The following CHKA variants were observed in gnomAD, a reference collection of about 807,000 sequenced individuals.
The protein encoded by CHKA is choline kinase alpha, also known as CHETK-alpha.
Under a neutral mutation model 60.1 loss-of-function variants are expected in CHKA, and 34 were observed. That is an observed-to-expected ratio of 0.57 (90% CI 0.43 to 0.75). The LOEUF is 0.75. Among genes scored for constraint, CHKA ranks in the 30% least tolerant of loss-of-function variants. The pLI is 0.00. For missense variants in CHKA, 563 were observed against 561.3 expected (o/e 1.00, Z -0.03); for synonymous variants, 217 against 223.1 (o/e 0.97, Z 0.24).
chr11:68,063,675 ATG>A (rs1359467399), intron 10 of CHKA, among the ~76,000 whole-genome samples: 1 of 151,954 alleles, frequency 6.6e-6, no homozygotes, highest in African/African-American at 2.4e-5. Context: ...TGTAATCCCC[ATG>A]TGTGGAGGGA....
chr11:68,070,382 T>A (rs1356420538), intron 5 of CHKA, 89 bp from the exon 6 acceptor site: 1 of 990,816 alleles, frequency 1.0e-6, no homozygotes, highest in African/African-American at 1.6e-5. Flanking sequence ...GGTTAAACAT[T>A]CAATCCCAGC....
chr11:68,098,271 C>CAAAAAAAAAAAAAAAA (rs57972693), intron 1 of CHKA, among the ~76,000 whole-genome samples: 1 of 120,738 alleles, frequency 8.3e-6, no homozygotes, highest in African/African-American at 3.2e-5. Flanking sequence ...ACTCCTATCT[C>CAAAAAAAAAAAAAAAA]AAAAAAAAAA....
chr11:68,096,852 T>C (rs1054689279), intron 2 of CHKA, among the ~76,000 whole-genome samples, 167 bp downstream of exon 2: 1 of 152,210 alleles, frequency 6.6e-6, no homozygotes, highest in Non-Finnish European at 1.5e-5. Context: ...TAACTTAGAA[T>C]GCAAACCAAG....
At chr11:68,101,282 A>T (rs1269416175) in intron 1 of CHKA, among the ~76,000 whole-genome samples, 1 of 152,132 alleles carries the variant, frequency 6.6e-6, no homozygotes, top group Non-Finnish European at 1.5e-5. Context: ...TTGAGCAAAA[A>T]TGAAATGAAT....
intron 1 of CHKA, among the ~76,000 whole-genome samples, chr11:68,101,852 C>G (rs993807294): frequency 6.6e-6 from 1 of 152,116 alleles, no homozygotes; most frequent in African/African-American, 2.4e-5. Context: ...GTAATCCCAA[C>G]ACTTTGGGAG....
At position 68,061,002 on chromosome 11, in the gene CHKA, C is replaced by A. The variant is rs116161761; in HGVS notation, c.1314+951G>T. ...CTGTGGACATTTGTGTTATCCCCCA[C>A]CCCAAGACAACTCACCAACATTCAT... On this transcript the variant is annotated intron_variant, in intron 11 of 11. Coordinates refer to ENST00000265689, the MANE Select transcript of CHKA (RefSeq NM_001277.3). Among the ~76,000 whole-genome samples the A allele has an allele frequency of 2.0e-3, 303 of 152,162 alleles. 4 individuals are homozygous for A. Among genetic ancestry groups the A allele is most frequent in the African/African-American group, 6.9e-3 (286 of 41,486 alleles).
At position 68,120,172 on chromosome 11, in the gene CHKA, T is replaced by C. The variant is rs537131008; in HGVS notation, c.350+656A>G. On this transcript the variant is annotated intron_variant, in intron 1 of 11. Transcript: ENST00000265689. ...TGAACACGGGAGGCCGTGGTTGCAG[T>C]GAGCCGAGGTCGCGCCACTGCACTC... Among the ~76,000 whole-genome samples, 15 of 147,632 alleles carry C rather than the reference T, an allele frequency of 1.0e-4. No homozygotes were observed. In the South Asian group the frequency reaches 2.1e-3, roughly 21 times the overall value.
intron 2 of CHKA, among the ~76,000 whole-genome samples, chr11:68,094,089 C>G (rs770415567): frequency 2.6e-5 from 4 of 152,150 alleles, no homozygotes; most frequent in African/African-American, 4.8e-5. Flanking sequence ...GAAATGAAAG[C>G]CTCATAAATC....
chr11:68,096,989 C>T, intron 2 of CHKA, 30 bp downstream of exon 2: 1 of 1,481,202 alleles, frequency 6.8e-7, no homozygotes, highest in Non-Finnish European at 9.4e-7. Context: ...TAACAGGATC[C>T]CCCCCTCCCA....
At chr11:68,082,340 A>G (rs566177140) in intron 2 of CHKA, among the ~76,000 whole-genome samples, 1 of 152,198 alleles carries the variant, frequency 6.6e-6, no homozygotes, top group Admixed American at 6.5e-5. Context: ...GTGTCACGTC[A>G]AACTTTTATA....
At chr11:68,066,819 C>T (rs1856459968) in intron 7 of CHKA, among the ~76,000 whole-genome samples, 1 of 152,222 alleles carries the variant, frequency 6.6e-6, no homozygotes, top group Non-Finnish European at 1.5e-5. Flanking sequence ...CAGGACAGTA[C>T]TTCCCAAATG....
chr11:68,057,774 C>T (rs1185446889), intron 11 of CHKA, among the ~76,000 whole-genome samples: 1 of 152,218 alleles, frequency 6.6e-6, no homozygotes, highest in African/African-American at 2.4e-5. Context: ...GTTCTTGCAT[C>T]ATTTTTTGAA....
intron 11 of CHKA, among the ~76,000 whole-genome samples, chr11:68,058,528 A>G (rs1489559121): frequency 6.6e-6 from 1 of 152,162 alleles, no homozygotes; most frequent in African/African-American, 2.4e-5. Flanking sequence ...CATATCTTAC[A>G]CTATTAAACA....
chr11:68,120,908 C>A lies in CHKA; in HGVS notation c.270G>T (p.Arg90Ser). ...GGAACTCCTTGCACCACAGATAGGC[C>A]CTGCGCCGCGTCCGGGGCTCCGGCT... ...DEQPEPRTRRRAYLWCKEFLP... is the reference protein window; with the variant it reads ...DEQPEPRTRRSAYLWCKEFLP... The change falls in exon 1 of 12, where the codon AGG (arginine) becomes AGT (serine). Residue 90 changes from arginine (R) to serine (S), a missense_variant. Transcript: ENST00000265689. 1.6e-6 allele frequency: 2 copies of A among 1,241,848 alleles called. No homozygotes were observed. The highest frequency in any genetic ancestry group is 2.0e-6 in the Non-Finnish European group (2 of 983,310). The allele number at this position is 1,241,848 out of a possible 1,614,324, so 76.9% of individuals were successfully genotyped here. A position where few individuals can be genotyped will look rare whatever the true frequency, so the allele number is the denominator to read the frequency against.
intron 1 of CHKA, among the ~76,000 whole-genome samples, chr11:68,115,033 CCATACTTCAAGTAAACATACAA>C (rs1229366470): frequency 2.0e-5 from 3 of 152,156 alleles, no homozygotes; most frequent in Non-Finnish European, 4.4e-5. Flanking sequence ...TCGGAAGAAA[CCATACTTCAAGTAAACATACAA>C]CCATTTTATT....
intron 1 of CHKA, among the ~76,000 whole-genome samples, chr11:68,119,600 G>C (rs1858526298): frequency 6.6e-6 from 1 of 152,166 alleles, no homozygotes; most frequent in South Asian, 2.1e-4. Flanking sequence ...CTCCCAAGTA[G>C]CTGGGACTAC....
chr11:68,082,658 T>C (rs1857021865), intron 2 of CHKA: 1 of 152,554 alleles, frequency 6.6e-6, no homozygotes. Context: ...TTACAGACGT[T>C]TTAATGCATG....
chr11:68,066,396 T>C (rs766451248), intron 8 of CHKA, 33 bp downstream of exon 8: 2 of 1,481,686 alleles, frequency 1.3e-6, no homozygotes, highest in Admixed American at 1.7e-5. Flanking sequence ...TAAATCAATA[T>C]TGAGATGGAA....
At chr11:68,116,807 T>C (rs1354217569) in intron 1 of CHKA, among the ~76,000 whole-genome samples, 2 of 152,196 alleles carry the variant, frequency 1.3e-5, no homozygotes, top group Admixed American at 1.3e-4. Flanking sequence ...TTGTGATGTC[T>C]GGAAATGAAC....
Sources: allele counts gnomAD v4.1 joint callset (sites outside exome capture counted in the v4.1 genomes callset), GRCh38; gene constraint gnomAD v4.1.1; transcripts MANE v1.5; gene names NCBI Gene and HGNC (gene_info 2026-07-23, HGNC 2026-07-21).